Variants in ASTN1 observed in about 807,000 individuals in gnomAD.
ASTN1 encodes astrotactin-1.
A neutral mutation model predicts 140.7 loss-of-function variants in ASTN1; 41 were observed. The observed-to-expected ratio is 0.29, with a 90% CI of 0.23 to 0.38. The LOEUF (loss-of-function observed/expected upper bound fraction) is 0.38. Among genes scored for constraint, ASTN1 ranks in the 10% least tolerant of loss-of-function variants. The probability of loss-of-function intolerance (pLI) is 1.00; values close to 1 mark genes in which losing one functional copy is unlikely to be tolerated. For missense variants in ASTN1, 1,479 were observed against 1,678.8 expected, an observed-to-expected ratio of 0.88 and a Z score of 2.08; for synonymous variants, 640 against 652.2, an observed-to-expected ratio of 0.98 and a Z score of 0.29.
At chr1:177,125,767 C>T (rs1252803234) in intron 1 of ASTN1, among the ~76,000 whole-genome samples, 3 of 152,170 alleles carry the variant, frequency 2.0e-5, no homozygotes, top group African/African-American at 7.2e-5. Context: ...TTAATTTCCT[C>T]ATAGTTGCCG....
downstream of ASTN1, among the ~76,000 whole-genome samples, chr1:176,858,892 C>G (rs958116524): frequency 4.6e-5 from 7 of 152,200 alleles, 1 homozygote; most frequent in Admixed American, 2.0e-4. Flanking sequence ...TTGTGTCAGA[C>G]AGCCCTTGGT....
intron 8 of ASTN1, among the ~76,000 whole-genome samples, chr1:176,979,024 G>T (rs1571597629): frequency 6.6e-6 from 1 of 152,174 alleles, no homozygotes; most frequent in African/African-American, 2.4e-5. Flanking sequence ...ACTGATGGGG[G>T]TCTGTTAAAG....
chr1:176,914,906 A>G (rs560737814), intron 16 of ASTN1, among the ~76,000 whole-genome samples: 4 of 152,310 alleles, frequency 2.6e-5, no homozygotes, highest in African/African-American at 9.6e-5. Flanking sequence ...GAAGATGCAT[A>G]ATAATAAAAA....
At chr1:177,093,938 G>T (rs1480420127) in intron 1 of ASTN1, among the ~76,000 whole-genome samples, 2 of 151,948 alleles carry the variant, frequency 1.3e-5, no homozygotes, top group Non-Finnish European at 1.5e-5. Context: ...TATGTTTTGG[G>T]TTCAGATCTA....
chr1:177,156,784 CA>C (rs1247898335), intron 1 of ASTN1, among the ~76,000 whole-genome samples: 1 of 152,132 alleles, frequency 6.6e-6, no homozygotes, highest in East Asian at 1.9e-4. Context: ...AATACAACCT[CA>C]ACAAAGTGAC....
chr1:177,103,084 G>A (rs1401548002), intron 1 of ASTN1, among the ~76,000 whole-genome samples: 1 of 152,194 alleles, frequency 6.6e-6, no homozygotes, highest in African/African-American at 2.4e-5. Flanking sequence ...AATGTCTATA[G>A]AAAGTTTTGA....
rs905585946 is a variant in ASTN1, at chr1:176,865,990, C to T, written c.3648-1469G>A. Among the ~76,000 whole-genome samples, 6 of 152,328 alleles carry T rather than the reference C, an allele frequency of 3.9e-5. No individual in the cohort carries two copies. The East Asian group carries it at 7.7e-4, about 20-fold the overall frequency. ...ATGATTCAATTACCTCCCCTGAGGT[C>T]CCTCCCACAACACATGAGAATTCAA... On this transcript the variant is annotated intron_variant, in intron 22 of 22. Coordinates refer to ENST00000361833, the MANE Select transcript of ASTN1 (RefSeq NM_004319.3).
intron 2 of ASTN1, among the ~76,000 whole-genome samples, chr1:177,056,706 T>C (rs1677825819): frequency 6.6e-6 from 1 of 152,114 alleles, no homozygotes; most frequent in Non-Finnish European, 1.5e-5. Context: ...ATGAAATATA[T>C]AGACAATACA....
intron 16 of ASTN1, among the ~76,000 whole-genome samples, chr1:176,910,785 G>A (rs966028235): frequency 3.9e-5 from 6 of 152,184 alleles, no homozygotes; most frequent in South Asian, 2.1e-4. Flanking sequence ...GGAAGTGAGC[G>A]GTGGGTGAGA....
rs983678912 is a variant in ASTN1, at chr1:177,029,565, T to C, written c.1120+69A>G. ...AGAGCCCACAACCCAACCCAACACC[T>C]CTTCGCCTTCCCCCGCCTCCCTCAC... On this transcript the variant is annotated intron_variant, in intron 5 of 22. Transcript: ENST00000361833. 12 of 1,502,632 alleles carry C rather than the reference T, an allele frequency of 8.0e-6. No homozygotes were observed. The African/African-American group carries it at 1.7e-4, about 21-fold the overall frequency. 93.1% of individuals were successfully genotyped at this position (1,502,632 alleles called of 1,614,324 possible).
intron 11 of ASTN1, among the ~76,000 whole-genome samples, chr1:176,953,014 C>T (rs1254289193): frequency 6.6e-6 from 1 of 152,168 alleles, no homozygotes; most frequent in African/African-American, 2.4e-5. Context: ...TTCAGTGACC[C>T]CTAAAATACA....
chr1:176,947,714 C>A (rs1169454882), intron 12 of ASTN1, among the ~76,000 whole-genome samples: 1 of 152,156 alleles, frequency 6.6e-6, no homozygotes, highest in Non-Finnish European at 1.5e-5. Flanking sequence ...CCCTCTCAGT[C>A]CACCTTGAAC....
chr1:176,964,700 G>A (rs1672801701), intron 9 of ASTN1, among the ~76,000 whole-genome samples: 1 of 152,098 alleles, frequency 6.6e-6, no homozygotes, highest in South Asian at 2.1e-4. Context: ...GCAGGGGCGG[G>A]AGAGATTCAT....
Position 176,968,440 on chromosome 1 carries a change from G to A in ASTN1, c.1524-3203C>T, listed in dbSNP as rs227985. 1.2e-3 allele frequency among the ~76,000 whole-genome samples: 187 copies of A among 152,320 alleles called. 2 individuals are homozygous for A. The highest frequency in any genetic ancestry group is 4.3e-3 in the African/African-American group (179 of 41,580). Reference sequence around the variant, plus strand: ...ACATAGGCTGGAGAGGAGGCAACATGAGTATGGAAAGGCCAAAGCCCCGAC... The same window carrying A: ...ACATAGGCTGGAGAGGAGGCAACATAAGTATGGAAAGGCCAAAGCCCCGAC... On this transcript the variant is annotated intron_variant, in intron 8 of 22. Transcript: ENST00000361833.
chr1:177,115,392 T>C (rs986876513), intron 1 of ASTN1, among the ~76,000 whole-genome samples: 7 of 152,124 alleles, frequency 4.6e-5, no homozygotes, highest in Non-Finnish European at 7.4e-5. Flanking sequence ...ATCATGAATG[T>C]CTGGTGCGAT....
intron 8 of ASTN1, among the ~76,000 whole-genome samples, chr1:177,002,057 T>G (rs563018520): frequency 1.3e-5 from 2 of 152,110 alleles, no homozygotes; most frequent in Non-Finnish European, 2.9e-5. Context: ...GAACAACTAT[T>G]TACAGACCCA....
At chr1:176,890,033 G>A (rs535842547) in intron 17 of ASTN1, among the ~76,000 whole-genome samples, 13 of 152,216 alleles carry the variant, frequency 8.5e-5, no homozygotes, top group African/African-American at 1.7e-4. Context: ...GCCTTGCAGA[G>A]CCTTCAATCA....
chr1:177,073,115 G>T (rs1444622913), intron 1 of ASTN1, among the ~76,000 whole-genome samples: 2 of 152,108 alleles, frequency 1.3e-5, no homozygotes, highest in East Asian at 3.9e-4. Flanking sequence ...ATTAGGGAGA[G>T]GTATACAGCA....
chr1:176,986,438 G>A (rs753731889), intron 8 of ASTN1, among the ~76,000 whole-genome samples: 1 of 152,200 alleles, frequency 6.6e-6, no homozygotes, highest in Non-Finnish European at 1.5e-5. Context: ...GTAGTTGGAT[G>A]TAACACCTTA....
Sources: allele counts gnomAD v4.1 joint callset (sites outside exome capture counted in the v4.1 genomes callset), GRCh38; gene constraint gnomAD v4.1.1; transcripts MANE v1.5; gene names NCBI Gene and HGNC (gene_info 2026-07-23, HGNC 2026-07-21).